The following NAA15 variants were observed in gnomAD, a reference collection of about 807,000 sequenced individuals.
NAA15 encodes N-alpha-acetyltransferase 15, NatA auxiliary subunit, also known as N-terminal acetyltransferase.
Under a neutral mutation model 114.0 loss-of-function variants are expected in NAA15, and 34 were observed. That is an observed-to-expected ratio of 0.30 (90% CI 0.23 to 0.40). NAA15 has a LOEUF of 0.40. NAA15 is among the 10% of genes least tolerant of loss of function. The pLI, the probability that NAA15 is intolerant of heterozygous loss-of-function variation, is 1.00. For synonymous variants in NAA15, 340 were observed against 338.0 expected, an observed-to-expected ratio of 1.01 and a Z score of -0.06; for missense variants, 658 against 1,004.5, an observed-to-expected ratio of 0.66 and a Z score of 4.66.
At chr4:139,372,505 T>A (rs1748469948) in intron 15 of NAA15, among the ~76,000 whole-genome samples, 1 of 152,132 alleles carries the variant, frequency 6.6e-6, no homozygotes, top group Non-Finnish European at 1.5e-5. Flanking sequence ...TGCTCCTCAG[T>A]ACATATTATT....
chr4:139,318,459 G>A (rs745526827), intron 1 of NAA15: 1 of 151,982 alleles, frequency 6.6e-6, no homozygotes, highest in Non-Finnish European at 1.5e-5. Flanking sequence ...AGGATGACAT[G>A]TAAATTCATG....
At chr4:139,320,382 T>C (rs1579089720) in intron 1 of NAA15, among the ~76,000 whole-genome samples, 1 of 152,338 alleles carries the variant, frequency 6.6e-6, no homozygotes, top group African/African-American at 2.4e-5. Context: ...TCAAAGTCTT[T>C]AATATTGTGA....
chr4:139,313,300 A>G (rs1438043553), intron 1 of NAA15, among the ~76,000 whole-genome samples: 4 of 151,786 alleles, frequency 2.6e-5, no homozygotes, highest in Admixed American at 1.3e-4. Flanking sequence ...ATGTTACTCT[A>G]TTTTTCAAAG....
Position 139,386,994 on chromosome 4 carries a change from C to A in NAA15, c.2400+764C>A, listed in dbSNP as rs1437899682. ...CTCATGTTATAATTTGCCAGATAAACATGTATATGCTGAAAGACAGTTATT... is the reference window on the plus strand; with the variant it reads ...CTCATGTTATAATTTGCCAGATAAAAATGTATATGCTGAAAGACAGTTATT... On this transcript the variant is annotated intron_variant, in intron 19 of 19. Transcript: ENST00000296543. Among the ~76,000 whole-genome samples, 5 of 152,168 alleles carry A rather than the reference C, an allele frequency of 3.3e-5. No individual in the cohort carries two copies. The East Asian group carries it at 9.6e-4, about 29-fold the overall frequency.
chr4:139,323,774 A>G (rs1027285075), intron 1 of NAA15, among the ~76,000 whole-genome samples: 1 of 152,144 alleles, frequency 6.6e-6, no homozygotes, highest in African/African-American at 2.4e-5. Context: ...CAGCTATTTT[A>G]TGTTTACTTT....
intron 1 of NAA15, among the ~76,000 whole-genome samples, chr4:139,303,840 T>C (rs2110812255): frequency 6.6e-6 from 1 of 152,396 alleles, no homozygotes; most frequent in Admixed American, 6.5e-5. Flanking sequence ...GGACATCGTC[T>C]TGTATACTTA....
chr4:139,353,929 G>A lies in NAA15; in HGVS notation c.1015-97G>A. Reference sequence around the variant, plus strand: ...TAAAGGAGGGTGTGTGTGTTGGAGTGTTTATTTAGTGTTTTAGTAGAAAAT... The same window carrying A: ...TAAAGGAGGGTGTGTGTGTTGGAGTATTTATTTAGTGTTTTAGTAGAAAAT... On this transcript the variant is annotated intron_variant, in intron 9 of 19. Coordinates refer to ENST00000296543, the MANE Select transcript of NAA15 (RefSeq NM_057175.5). 5 of 905,712 alleles carry A rather than the reference G, an allele frequency of 5.5e-6. No individual in the cohort carries two copies. In the South Asian group the frequency reaches 7.4e-5, roughly 13 times the overall value. 56.1% of individuals were successfully genotyped at this position (905,712 alleles called of 1,614,324 possible). A position where few individuals can be genotyped will look rare whatever the true frequency, so the allele number is the denominator to read the frequency against.
At chr4:139,336,782 G>A in intron 2 of NAA15, 66 bp from the exon 3 acceptor site, 1 of 916,372 alleles carries the variant, frequency 1.1e-6, no homozygotes, top group East Asian at 3.0e-5. Flanking sequence ...TTATGGTTCT[G>A]TTGTTATTTA....
intron 14 of NAA15, among the ~76,000 whole-genome samples, 155 bp from the exon 15 acceptor site, chr4:139,370,051 CACCTT>C (rs1006969410): frequency 3.0e-4 from 45 of 152,140 alleles, no homozygotes; most frequent in African/African-American, 8.9e-4. Flanking sequence ...GTCATCTGCC[CACCTT>C]GGCCTCCCAA....
chr4:139,369,497 T>C (rs1748374816), intron 14 of NAA15, among the ~76,000 whole-genome samples: 1 of 152,140 alleles, frequency 6.6e-6, no homozygotes, highest in Non-Finnish European at 1.5e-5. Flanking sequence ...CCCAGCACTT[T>C]GGGAGGCCGA....
intron 3 of NAA15, among the ~76,000 whole-genome samples, chr4:139,340,268 G>A (rs1463796438): frequency 6.6e-6 from 1 of 152,148 alleles, no homozygotes; most frequent in African/African-American, 2.4e-5. Context: ...GTTGCAGTGA[G>A]CAAAGACCAC....
At chr4:139,329,555 T>C (rs375803622) in intron 1 of NAA15, among the ~76,000 whole-genome samples, 2 of 152,218 alleles carry the variant, frequency 1.3e-5, no homozygotes, top group East Asian at 3.9e-4. Flanking sequence ...GGCTAGTGTA[T>C]GTCTACTCTT....
At chr4:139,369,522 G>A (rs1042558748) in intron 14 of NAA15, among the ~76,000 whole-genome samples, 1 of 152,034 alleles carries the variant, frequency 6.6e-6, no homozygotes, top group Non-Finnish European at 1.5e-5. Context: ...GGTGGATCAG[G>A]AGGTCAGGAG....
chr4:139,359,416 A>G (rs1037733654), intron 11 of NAA15, among the ~76,000 whole-genome samples: 3 of 152,144 alleles, frequency 2.0e-5, no homozygotes, highest in African/African-American at 7.2e-5. Flanking sequence ...CATGAGCTAC[A>G]GCGCCCGGCC....
rs1273931384 is a variant in NAA15 at position 139,388,088 on chromosome 4, T to C, written c.*4T>C. 1 of 1,612,558 alleles carries C rather than the reference T, an allele frequency of 6.2e-7. No individual in the cohort carries two copies. The highest frequency in any genetic ancestry group is 8.5e-7 in the Non-Finnish European group (1 of 1,178,992). On this transcript the variant is annotated 3_prime_UTR_variant, in exon 20 of 20. Transcript: ENST00000296543. The stretch of plus-strand genomic sequence containing the variant: ...AGAACTGGCCAATGAAATTTGAACA[T>C]CACTAAACAAGCAAATGGAATGACT...
At chr4:139,325,203 G>A (rs944190232) in intron 1 of NAA15, among the ~76,000 whole-genome samples, 7 of 152,044 alleles carry the variant, frequency 4.6e-5, no homozygotes, top group Non-Finnish European at 8.8e-5. Context: ...TTTATTTTGG[G>A]CATTTTTATT....
chr4:139,341,619 A>T (rs1014277859), intron 4 of NAA15, among the ~76,000 whole-genome samples: 2 of 150,052 alleles, frequency 1.3e-5, no homozygotes, highest in East Asian at 4.0e-4. Flanking sequence ...AAAAAAAAAA[A>T]GAAAATCAGT....
chr4:139,316,623 A>G (rs898855142), intron 1 of NAA15, among the ~76,000 whole-genome samples: 1 of 151,760 alleles, frequency 6.6e-6, no homozygotes, highest in Non-Finnish European at 1.5e-5. Flanking sequence ...CTGCCCAAGT[A>G]TTTTACTTTT....
intron 6 of NAA15, 95 bp from the exon 7 acceptor site, chr4:139,349,367 A>G: frequency 8.6e-7 from 1 of 1,161,818 alleles, no homozygotes; most frequent in South Asian, 1.7e-5. Context: ...CTGATTTATA[A>G]TGAGATTTTA....
Sources: allele counts gnomAD v4.1 joint callset (sites outside exome capture counted in the v4.1 genomes callset), GRCh38; gene constraint gnomAD v4.1.1; transcripts MANE v1.5; gene names NCBI Gene and HGNC (gene_info 2026-07-23, HGNC 2026-07-21).